The following ZCWPW2 variants were observed in gnomAD, a reference collection of about 807,000 sequenced individuals.
ZCWPW2 encodes the protein zinc finger CW-type and PWWP domain containing 2.
Under a neutral mutation model 46.6 loss-of-function variants are expected in ZCWPW2, and 45 were observed. The observed-to-expected ratio is 0.96, with a 90% CI of 0.76 to 1.24. The LOEUF is 1.24. ZCWPW2 is among the 50% of genes most tolerant of loss of function. The pLI, the probability that ZCWPW2 is intolerant of heterozygous loss-of-function variation, is 0.00. For missense variants in ZCWPW2, 429 were observed against 403.9 expected, an observed-to-expected ratio of 1.06 and a Z score of -0.53; for synonymous variants, 152 against 137.1, an observed-to-expected ratio of 1.11 and a Z score of -0.76.
chr3:28,517,942 C>G (rs1225604983), intron 8 of ZCWPW2, among the ~76,000 whole-genome samples: 1 of 151,958 alleles, frequency 6.6e-6, no homozygotes, highest in Non-Finnish European at 1.5e-5. Context: ...TCATGACGAG[C>G]CTGGCCAACA....
At chr3:28,383,801 A>C (rs1190598650) in intron 1 of ZCWPW2, among the ~76,000 whole-genome samples, 3 of 152,146 alleles carry the variant, frequency 2.0e-5, no homozygotes, top group African/African-American at 7.2e-5. Flanking sequence ...CAGGGGAAAA[A>C]AGTCAGTTCA....
chr3:28,428,093 C>G (rs939045615), intron 3 of ZCWPW2: 1 of 152,056 alleles, frequency 6.6e-6, no homozygotes, highest in African/African-American at 2.4e-5. Flanking sequence ...ATGTAAATTT[C>G]CAATGTAAGT....
In ZCWPW2 at chr3:28,358,285, C is replaced by G. The variant is rs1001537316; in HGVS notation, c.-134+9082C>G. Among the ~76,000 whole-genome samples the G allele has an allele frequency of 6.6e-5, 10 of 152,134 alleles. No individual in the cohort carries two copies. In the East Asian group the frequency reaches 1.2e-3, roughly 18 times the overall value. On this transcript the variant is annotated intron_variant, in intron 1 of 9. Coordinates refer to ENST00000383768, the MANE Select transcript of ZCWPW2 (RefSeq NM_001040432.4). ...GACTCCTTAACATTTTTTAAAAGGA[C>G]CTTCTTAATATAGCCGAGCCTCTTT...
intron 4 of ZCWPW2, chr3:28,447,841 G>A: frequency 9.5e-7 from 1 of 1,048,196 alleles, no homozygotes; most frequent in Non-Finnish European, 1.5e-6. Context: ...AGAAGGTTGG[G>A]AAAGCACCAA....
Position 28,513,434 on chromosome 3 carries a change from A to G in ZCWPW2, c.658-630A>G, listed in dbSNP as rs556175650. Among the ~76,000 whole-genome samples the G allele has an allele frequency of 4.1e-4, 63 of 152,240 alleles. No individual in the cohort carries two copies. In the South Asian group the frequency reaches 6.2e-3, roughly 15 times the overall value. ...ATTGCTTTTTGTCATCTAATTCCCC[A>G]TGTCAGACTGCGTACTACCTTATTG... On this transcript the variant is annotated intron_variant, in intron 6 of 9. Transcript: ENST00000383768.
intron 1 of ZCWPW2, among the ~76,000 whole-genome samples, chr3:28,379,628 C>T (rs1187197102): frequency 1.3e-5 from 2 of 151,814 alleles, no homozygotes; most frequent in Non-Finnish European, 2.9e-5. Flanking sequence ...TTTTTTTACA[C>T]TGGATGTATT....
chr3:28,449,184 C>T (rs1382024093), intron 4 of ZCWPW2, among the ~76,000 whole-genome samples: 1 of 152,078 alleles, frequency 6.6e-6, no homozygotes, highest in African/African-American at 2.4e-5. Flanking sequence ...TGGCTAGTCA[C>T]ATGCAAAAAA....
At chr3:28,376,984 T>C (rs562830029) in intron 1 of ZCWPW2, among the ~76,000 whole-genome samples, 1 of 152,256 alleles carries the variant, frequency 6.6e-6, no homozygotes, top group Non-Finnish European at 1.5e-5. Context: ...ATTATATTCT[T>C]TATTCCTTAG....
intron 1 of ZCWPW2, among the ~76,000 whole-genome samples, chr3:28,369,121 G>A (rs911711340): frequency 6.6e-5 from 10 of 152,034 alleles, no homozygotes; most frequent in Non-Finnish European, 1.0e-4. Context: ...CCTTTAGCTC[G>A]GAGTAGTTTG....
intron 2 of ZCWPW2, among the ~76,000 whole-genome samples, chr3:28,393,940 G>A (rs1181020353): frequency 6.6e-6 from 1 of 151,978 alleles, no homozygotes; most frequent in Non-Finnish European, 1.5e-5. Context: ...GAGCAATTAG[G>A]CAACTAAAAG....
intron 3 of ZCWPW2, among the ~76,000 whole-genome samples, chr3:28,417,205 T>C (rs1696623008): frequency 1.3e-5 from 2 of 151,718 alleles, no homozygotes; most frequent in Admixed American, 6.6e-5. Flanking sequence ...CCCACAGAAA[T>C]ACAAACTACC....
At chr3:28,387,560 A>C (rs1043660233) in intron 1 of ZCWPW2, among the ~76,000 whole-genome samples, 1 of 152,202 alleles carries the variant, frequency 6.6e-6, no homozygotes, top group Admixed American at 6.5e-5. Flanking sequence ...CAGTTACTCT[A>C]CATCCAGTTT....
At chr3:28,449,667 A>G (rs1208948251) in intron 4 of ZCWPW2, among the ~76,000 whole-genome samples, 2 of 152,176 alleles carry the variant, frequency 1.3e-5, no homozygotes, top group Non-Finnish European at 2.9e-5. Context: ...AATAGTTAAG[A>G]TGGTAGATTT....
chr3:28,349,206 A>T lies in ZCWPW2; in HGVS notation c.-134+3A>T, dbSNP rs922898925. 1.0e-6 allele frequency: 1 copy of T among 985,484 alleles called. No homozygotes were observed. Among genetic ancestry groups the T allele is most frequent in the Non-Finnish European group, 1.2e-6 (1 of 830,002 alleles). The allele number at this position is 985,484 out of a possible 1,614,324, so 61.0% of individuals were successfully genotyped here. ...AGGCGGAGGCGGAGTGGAGTTAGGT[A>T]AGAGCGTTACCAGCCGTCTTGTCTG... On this transcript the variant is annotated splice_donor_region_variant and intron_variant, in intron 1 of 9. Coordinates refer to ENST00000383768, the MANE Select transcript of ZCWPW2 (RefSeq NM_001040432.4).
In ZCWPW2 at chr3:28,525,706, T is replaced by C. The variant is rs186631046; in HGVS notation, c.*1018T>C. Among the ~76,000 whole-genome samples, 3 of 152,306 alleles carry C rather than the reference T, an allele frequency of 2.0e-5. No homozygotes were observed. In the East Asian group the frequency reaches 5.8e-4, roughly 29 times the overall value. On this transcript the variant is annotated 3_prime_UTR_variant, in exon 10 of 10. Coordinates refer to ENST00000383768, the MANE Select transcript of ZCWPW2 (RefSeq NM_001040432.4). ...ACCAAACAACCAACGTGTCACTCAT[T>C]GAGTGGGTTGCTTCTTTTAAGTATT...
intron 1 of ZCWPW2, among the ~76,000 whole-genome samples, chr3:28,378,714 A>T (rs2125707744): frequency 6.6e-6 from 1 of 152,258 alleles, no homozygotes; most frequent in Non-Finnish European, 1.5e-5. Flanking sequence ...AAGCCAGTCT[A>T]ATTCTGAAGT....
chr3:28,524,178 T>C (rs1401761594), intron 9 of ZCWPW2, among the ~76,000 whole-genome samples: 1 of 151,836 alleles, frequency 6.6e-6, no homozygotes, highest in Non-Finnish European at 1.5e-5. Context: ...CCACAGAAAA[T>C]GTGACTAAAA....
In ZCWPW2 at chr3:28,390,543, A is replaced by G. The variant is rs1695446148; in HGVS notation, c.-88A>G. 1 of 985,174 alleles carries G rather than the reference A, an allele frequency of 1.0e-6. No homozygotes were observed. 61.0% of individuals were successfully genotyped at this position (985,174 alleles called of 1,614,324 possible). On this transcript the variant is annotated 5_prime_UTR_variant, in exon 2 of 10. Coordinates refer to ENST00000383768, the MANE Select transcript of ZCWPW2 (RefSeq NM_001040432.4). ...TGCCTCTTTAGTGACTACAGACCTC[A>G]CTTCCCTTCTCTGGAGTTTTGGAGT...
intron 4 of ZCWPW2, among the ~76,000 whole-genome samples, chr3:28,465,067 C>T (rs915191386): frequency 1.4e-4 from 22 of 152,118 alleles, no homozygotes; most frequent in South Asian, 2.1e-4. Context: ...TCCATGCTTT[C>T]AAAAGATAAT....
Sources: allele counts gnomAD v4.1 joint callset (sites outside exome capture counted in the v4.1 genomes callset), GRCh38; gene constraint gnomAD v4.1.1; transcripts MANE v1.5; gene names NCBI Gene and HGNC (gene_info 2026-07-23, HGNC 2026-07-21).